Variants in DALRD3 observed in about 807,000 individuals in gnomAD.
DALRD3 encodes the protein DALR anticodon-binding domain-containing protein 3.
A neutral mutation model predicts 56.7 loss-of-function variants in DALRD3; 47 were observed. The observed-to-expected ratio is 0.83, with a 90% CI of 0.66 to 1.06. DALRD3 has a LOEUF of 1.06. Ranked by LOEUF, DALRD3 falls within the 50% of genes least tolerant of loss-of-function variation. DALRD3 has a pLI of 0.00. For synonymous variants in DALRD3, 347 were observed against 308.5 expected (o/e 1.12, Z -1.31); for missense variants, 787 against 724.0 (o/e 1.09, Z -1.00).
chr3:49,016,554 C>T, intron 7 of DALRD3, 43 bp from the exon 8 acceptor site: 1 of 1,600,502 alleles, frequency 6.2e-7, no homozygotes. Context: ...CAGGCAAGGG[C>T]AGGGATGCAA....
Position 49,018,150 on chromosome 3 carries a change from C to T in DALRD3, c.334G>A (p.Ala112Thr), listed in dbSNP as rs763856713. Reference protein sequence around the residue: ...VAAYATPASPASLGQRVLLHC... With the variant: ...VAAYATPASPTSLGQRVLLHC... Reference sequence around the variant, plus strand: ...AGTAAGACGCGCTGGCCCAGCGAGGCAGGCGAGGCGGGCGTGGCATAGGCG... The same window carrying T: ...AGTAAGACGCGCTGGCCCAGCGAGGTAGGCGAGGCGGGCGTGGCATAGGCG... The change falls in exon 2 of 12, where the codon GCC becomes ACC. Residue 112 changes from alanine (A) to threonine (T), a missense_variant. Ala to Thr is a moderately conservative substitution (Grantham distance 58). Transcript: ENST00000341949. 3.4e-6 allele frequency: 5 copies of T among 1,460,562 alleles called. No homozygotes were observed. In the South Asian group the frequency reaches 5.8e-5, roughly 17 times the overall value. 90.5% of individuals were successfully genotyped at this position (1,460,562 alleles called of 1,614,324 possible).
At chr3:49,020,127 G>T, upstream of DALRD3, 1 of 533,994 alleles carries the variant, frequency 1.9e-6, no homozygotes, top group Non-Finnish European at 3.8e-6. Flanking sequence ...GGCCAGGGCT[G>T]AGGCCCTGCT....
Position 49,017,320 on chromosome 3 carries a change from C to A in DALRD3, c.835G>T (p.Val279Phe). ...TCCTCACAGCTAACAACATGTACAA[C>A]CAGGCAGCCGCCTGTACCAGTATCT... ...ASDTGTGGCL[V>F]VHVVSCEEEF... Residue 279 changes from valine to phenylalanine, a missense_variant, in exon 5 of 12, where the codon GTT becomes TTT. By Grantham distance (50) the Val-to-Phe change is conservative. Coordinates refer to ENST00000341949, the MANE Select transcript of DALRD3 (RefSeq NM_001009996.3). The A allele has an allele frequency of 1.2e-6, 2 of 1,614,232 alleles. No homozygotes were observed. The highest frequency in any genetic ancestry group is 1.7e-6 in the Non-Finnish European group (2 of 1,180,042).
rs999488477 is a variant in DALRD3 at position 49,016,306 on chromosome 3, G to C, written c.1181C>G (p.Thr394Arg). ...FLALADSSIS[T>R]KGTKSGTFVM... ...AAAGGTGCCACTCTTTGTGCCCTTC[G>C]TGGAGATACTGCTGTCAGCCAGAGC... Residue 394 changes from threonine (T) to arginine (R), a missense_variant, in exon 9 of 12, where the codon ACG becomes AGG. Thr to Arg is a moderately conservative substitution (Grantham distance 71). Transcript: ENST00000341949. The C allele has an allele frequency of 6.2e-7, 1 of 1,610,996 alleles. No homozygotes were observed. The highest frequency in any genetic ancestry group is 8.5e-7 in the Non-Finnish European group (1 of 1,177,484).
In DALRD3 at chr3:49,018,024, C is replaced by A; in HGVS notation, c.460G>T (p.Gly154Trp). ...DHLARALRAH[G>W]VCVRLVPAVR... ...TTCCGGCCCCGCGGCCCCGCTCACC[C>A]GTGAGCGCGCAGGGCTCGCGCCAGG... The change falls in exon 2 of 12, where the codon GGG becomes TGG. Residue 154 changes from glycine to tryptophan, a missense_variant and splice_region_variant. Transcript: ENST00000341949. 6.7e-7 allele frequency: 1 copy of A among 1,483,648 alleles called. No individual in the cohort carries two copies. The highest frequency in any genetic ancestry group is 1.4e-5 in the South Asian group (1 of 73,140). 91.9% of individuals were successfully genotyped at this position (1,483,648 alleles called of 1,614,324 possible). A position where few individuals can be genotyped will look rare whatever the true frequency, so the allele number is the denominator to read the frequency against.
At position 49,017,887 on chromosome 3, in the gene DALRD3, C is replaced by A; in HGVS notation, c.462-18G>T. 1 of 1,584,558 alleles carries A rather than the reference C, an allele frequency of 6.3e-7. No homozygotes were observed. Among genetic ancestry groups the A allele is most frequent in the South Asian group, 1.1e-5 (1 of 89,504 alleles). On this transcript the variant is annotated intron_variant, in intron 2 of 11. Transcript: ENST00000341949. ...CGCACACCCTGCGAAGGGAGGGCGG[C>A]CGCCTCAGTCTGAGCACCTGGTCCA...
At chr3:49,020,762 A>G, upstream of DALRD3, 1 of 437,234 alleles carries the variant, frequency 2.3e-6, no homozygotes, top group African/African-American at 2.0e-5. Flanking sequence ...CTGGGGCCAC[A>G]TCAGAACCCG....
chr3:49,020,228 C>T (rs1231889485), upstream of DALRD3: 2 of 534,686 alleles, frequency 3.7e-6, no homozygotes, highest in South Asian at 1.4e-5. Flanking sequence ...CATTCCAAAG[C>T]GCTTTCCATT....
chr3:49,020,591 C>T (rs1435167712), upstream of DALRD3: 2 of 475,220 alleles, frequency 4.2e-6, no homozygotes, highest in South Asian at 3.1e-5. Flanking sequence ...GGGTCAGGGG[C>T]ACCCCATCTG....
rs536329823 is a variant in DALRD3 at position 49,016,854 on chromosome 3, G to C, written c.928-7C>G. On this transcript the variant is annotated splice_region_variant and splice_polypyrimidine_tract_variant and intron_variant, in intron 5 of 11. Transcript: ENST00000341949. ...GGCCACAGATGAGGTGCTTCTGTCA[G>C]AAAGATGTCAGGGGCTCAGCCTAGT... 6 of 1,614,194 alleles carry C rather than the reference G, an allele frequency of 3.7e-6. No individual in the cohort carries two copies. The South Asian group carries it at 4.4e-5, about 12-fold the overall frequency.
In DALRD3 at chr3:49,017,324, G is replaced by A; in HGVS notation, c.831C>T (p.Cys277=). Residue 277 remains cysteine (C), a synonymous_variant, in exon 5 of 12, where the codon TGC becomes TGT. Transcript: ENST00000341949. ...AGASDTGTGG[C]LVVHVVSCEE... Reference sequence around the variant, plus strand: ...CACAGCTAACAACATGTACAACCAGGCAGCCGCCTGTACCAGTATCTGAGG... The same window carrying A: ...CACAGCTAACAACATGTACAACCAGACAGCCGCCTGTACCAGTATCTGAGG... 5 of 1,614,222 alleles carry A rather than the reference G, an allele frequency of 3.1e-6. No individual in the cohort carries two copies. The highest frequency in any genetic ancestry group is 4.2e-6 in the Non-Finnish European group (5 of 1,180,046).
intron 3 of DALRD3, 32 bp from the exon 4 acceptor site, chr3:49,017,545 A>C (rs756231655): frequency 6.2e-7 from 1 of 1,614,180 alleles, no homozygotes; most frequent in Admixed American, 1.7e-5. Context: ...GCTGAGACTG[A>C]CAAGAAGCAG....
Position 49,018,227 on chromosome 3 carries a change from GAC to G in DALRD3, c.255_256del (p.Leu87ProfsTer110), listed in dbSNP as rs777850206. 20 of 1,441,418 alleles carry G rather than the reference GAC, an allele frequency of 1.4e-5. No homozygotes were observed. In the South Asian group the frequency reaches 2.9e-4, roughly 21 times the overall value. 89.3% of individuals were successfully genotyped at this position (1,441,418 alleles called of 1,614,324 possible). Reference sequence around the variant, plus strand: ...GACGGCGGACCGCTGCAGTTGGAGAGACAGACCCGCGGGGGTCGGCGCGCAGC... The same window carrying G: ...GACGGCGGACCGCTGCAGTTGGAGAGAGACCCGCGGGGGTCGGCGCGCAGC... On this transcript the variant is annotated frameshift_variant, in exon 2 of 12. Transcript: ENST00000341949. LOFTEE classifies it high-confidence loss of function.
intron 5 of DALRD3, 65 bp downstream of exon 5, chr3:49,017,163 T>G: frequency 6.2e-7 from 1 of 1,608,272 alleles, no homozygotes; most frequent in Non-Finnish European, 8.5e-7. Flanking sequence ...CCTCGGTGGG[T>G]TTTCAAGGGC....
chr3:49,021,422 T>G (rs1455439013), upstream of DALRD3: 1 of 152,760 alleles, frequency 6.5e-6, no homozygotes, highest in Non-Finnish European at 1.5e-5. The surrounding 1 kb of genome is among the most constrained non-coding windows in gnomAD (Gnocchi z 4.1). Context: ...GCGCTTCTAC[T>G]TCAAGTCTGG....
At chr3:49,018,690 G>T, upstream of DALRD3, 7 of 1,411,216 alleles carry the variant, frequency 5.0e-6, no homozygotes, top group South Asian at 1.6e-5. Context: ...GCCAGTGGTA[G>T]CCCTGTCGGC....
At position 49,017,579 on chromosome 3, in the gene DALRD3, G is replaced by A. The variant is rs377402749; in HGVS notation, c.718+34C>T. On this transcript the variant is annotated intron_variant, in intron 3 of 11. Coordinates refer to ENST00000341949, the MANE Select transcript of DALRD3 (RefSeq NM_001009996.3). ...AGAGATGTGCCCCTAACCCCCTCCT[G>A]CCTTTTCTGGCCCTGCTAGGCTTCA... 3 of 1,613,970 alleles carry A rather than the reference G, an allele frequency of 1.9e-6. No individual in the cohort carries two copies. In the South Asian group the frequency reaches 3.3e-5, roughly 18 times the overall value.
intron 7 of DALRD3, 43 bp downstream of exon 7, chr3:49,016,569 C>A: frequency 6.3e-7 from 1 of 1,595,496 alleles, no homozygotes; most frequent in Non-Finnish European, 8.5e-7. Context: ...ATGCAAAAAA[C>A]CTGCCCCTAA....
Position 49,018,156 on chromosome 3 carries a change from A to AGGCGGGCGT in DALRD3, c.319_327dup (p.Thr107_Ala109dup). The AGGCGGGCGT allele has an allele frequency of 1.4e-6, 2 of 1,454,824 alleles. No individual in the cohort carries two copies. The highest frequency in any genetic ancestry group is 1.5e-5 in the South Asian group (1 of 68,616). 90.1% of individuals were successfully genotyped at this position (1,454,824 alleles called of 1,614,324 possible). A position where few individuals can be genotyped will look rare whatever the true frequency, so the allele number is the denominator to read the frequency against. On this transcript the variant is annotated inframe_insertion, in exon 2 of 12. Coordinates refer to ENST00000341949, the MANE Select transcript of DALRD3 (RefSeq NM_001009996.3). ...ACGCGCTGGCCCAGCGAGGCAGGCG[A>AGGCGGGCGT]GGCGGGCGTGGCATAGGCGGCCACG...
Sources: gnomAD v4.1 joint callset for allele counts on GRCh38, gnomAD v4.1.1 for gene constraint, Gnocchi (gnomAD v3.1) non-coding constraint, MANE v1.5 for transcripts, NCBI Gene and HGNC (gene_info 2026-07-23, HGNC 2026-07-21) for gene names.